The following MAP3K9 variants were observed in gnomAD, a reference collection of about 807,000 sequenced individuals.
MAP3K9 encodes mitogen-activated protein kinase kinase kinase 9.
A neutral mutation model predicts 95.8 loss-of-function variants in MAP3K9; 46 were observed. The observed-to-expected ratio is 0.48, with a 90% CI of 0.38 to 0.61. The LOEUF (loss-of-function observed/expected upper bound fraction) is 0.61, where lower values mean the gene tolerates loss of function less well. Ranked by LOEUF, MAP3K9 falls within the 20% of genes least tolerant of loss-of-function variation. The pLI is 0.00. For synonymous variants in MAP3K9, 533 were observed against 593.8 expected, an observed-to-expected ratio of 0.90 and a Z score of 1.49; for missense variants, 1,296 against 1,474.3, an observed-to-expected ratio of 0.88 and a Z score of 1.98.
At chr14:70,755,996 C>T (rs1320892217) in intron 3 of MAP3K9, among the ~76,000 whole-genome samples, 1 of 152,150 alleles carries the variant, frequency 6.6e-6, no homozygotes, top group Non-Finnish European at 1.5e-5. Flanking sequence ...CATCAGATGC[C>T]TCTCACCAGA....
At chr14:70,764,004 T>C (rs547442627) in intron 2 of MAP3K9, among the ~76,000 whole-genome samples, 114 of 148,266 alleles carry the variant, frequency 7.7e-4, no homozygotes, top group African/African-American at 2.8e-3. Context: ...GCTAACAAGG[T>C]GAAACCCCGT....
chr14:70,752,530 T>C (rs1242163513), intron 3 of MAP3K9, among the ~76,000 whole-genome samples: 1 of 152,200 alleles, frequency 6.6e-6, no homozygotes, highest in Non-Finnish European at 1.5e-5. Flanking sequence ...GTAGTGGTCA[T>C]GCTGGGGAGC....
intron 1 of MAP3K9, among the ~76,000 whole-genome samples, chr14:70,801,676 T>A (rs1048176378): frequency 1.3e-5 from 2 of 152,168 alleles, no homozygotes; most frequent in Non-Finnish European, 2.9e-5. Flanking sequence ...TGCAGAAGTA[T>A]GATTAGAGGC....
At chr14:70,806,694 C>G (rs1173321870) in intron 1 of MAP3K9, among the ~76,000 whole-genome samples, 1 of 152,200 alleles carries the variant, frequency 6.6e-6, no homozygotes, top group Non-Finnish European at 1.5e-5. Flanking sequence ...CTAAGTCATA[C>G]TGACTCTTGA....
chr14:70,744,645 A>G (rs1219158048), intron 5 of MAP3K9, among the ~76,000 whole-genome samples: 1 of 152,204 alleles, frequency 6.6e-6, no homozygotes, highest in Non-Finnish European at 1.5e-5. Context: ...ACATTTCCTG[A>G]GGTCTTTTTC....
In MAP3K9 at chr14:70,808,965, G is replaced by A. The variant is rs2055031528; in HGVS notation, c.207C>T (p.Asp69=). Residue 69 remains aspartate (D), a synonymous_variant, in exon 1 of 12, where the codon GAC becomes GAT. Transcript: ENST00000554752. The part of the protein sequence containing the change: ...AVFEYEAAGE[D]ELTLRLGDVV... The stretch of plus-strand genomic sequence containing the variant: ...CGTCGCCCAGCCGCAGGGTCAGCTC[G>A]TCCTCGCCCGCCGCCTCGTACTCGA... The A allele has an allele frequency of 1.3e-6, 2 of 1,572,714 alleles. No homozygotes were observed. The highest frequency in any genetic ancestry group is 1.7e-6 in the Non-Finnish European group (2 of 1,166,156).
At chr14:70,788,796 T>C (rs2054775692) in intron 2 of MAP3K9, among the ~76,000 whole-genome samples, 2 of 152,154 alleles carry the variant, frequency 1.3e-5, no homozygotes, top group Admixed American at 1.3e-4. Context: ...GAAACAAAGC[T>C]CTTATACAGA....
chr14:70,778,626 A>G (rs1431016991), intron 2 of MAP3K9, among the ~76,000 whole-genome samples: 1 of 152,178 alleles, frequency 6.6e-6, no homozygotes, highest in Non-Finnish European at 1.5e-5. Context: ...CACTGTCATC[A>G]TCATTGCTAG....
chr14:70,740,096 G>A lies in MAP3K9; in HGVS notation c.1636C>T (p.Arg546Cys), dbSNP rs758192028. 16 of 1,614,016 alleles carry A rather than the reference G, an allele frequency of 9.9e-6. No individual in the cohort carries two copies. Among genetic ancestry groups the A allele is most frequent in the East Asian group, 8.9e-5 (4 of 44,892 alleles). Residue 546 changes from arginine (R) to cysteine (C), a missense_variant, in exon 7 of 12, where the codon CGC becomes TGC. Arg to Cys is a radical substitution (Grantham distance 180, BLOSUM62 -3). Coordinates refer to ENST00000554752, the MANE Select transcript of MAP3K9 (RefSeq NM_001284230.2). ...MDKRKSLINS[R>C]SSPPASPTII... ...GTGGGGCTTGCAGGAGGACTGGAGCGGCTGTTGATAAGACTCTTCCTTTTA... is the reference window on the plus strand; with the variant it reads ...GTGGGGCTTGCAGGAGGACTGGAGCAGCTGTTGATAAGACTCTTCCTTTTA...
chr14:70,747,703 T>G (rs564698316), intron 5 of MAP3K9, among the ~76,000 whole-genome samples: 1 of 152,018 alleles, frequency 6.6e-6, no homozygotes, highest in African/African-American at 2.4e-5. Flanking sequence ...GACTCCTGGA[T>G]AAAACAGACA....
At chr14:70,741,612 G>A (rs1019474566) in intron 6 of MAP3K9, among the ~76,000 whole-genome samples, 2 of 152,198 alleles carry the variant, frequency 1.3e-5, no homozygotes, top group African/African-American at 4.8e-5. Flanking sequence ...GTGTCTGAAA[G>A]GTCACATGTA....
rs1359760240 is a variant in MAP3K9, at chr14:70,728,348, T to G, written c.*2032A>C. 2 of 152,090 alleles carry G rather than the reference T, an allele frequency of 1.3e-5. No homozygotes were observed. Among genetic ancestry groups the G allele is most frequent in the Non-Finnish European group, 1.5e-5 (1 of 68,072 alleles). The allele number at this position is 152,090 out of a possible 1,614,324, so 9.4% of individuals were successfully genotyped here. On this transcript the variant is annotated 3_prime_UTR_variant, in exon 12 of 12. Coordinates refer to ENST00000554752, the MANE Select transcript of MAP3K9 (RefSeq NM_001284230.2). The stretch of plus-strand genomic sequence containing the variant: ...CATGTTGGTCAGGCTGGTCTCGAAC[T>G]CCCGACCTCAGGTGATCCACCTGCC...
chr14:70,737,480 G>C (rs1566731868), intron 8 of MAP3K9, among the ~76,000 whole-genome samples: 1 of 152,172 alleles, frequency 6.6e-6, no homozygotes, highest in Non-Finnish European at 1.5e-5. Context: ...AGACTCAGGG[G>C]AGAATTTGAC....
Position 70,730,811 on chromosome 14 carries a change from G to A in MAP3K9, c.2884C>T (p.Pro962Ser). The change falls in exon 12 of 12, where the codon CCT becomes TCT. Residue 962 changes from proline to serine, a missense_variant. Pro to Ser is a moderately conservative substitution (Grantham distance 74). Coordinates refer to ENST00000554752, the MANE Select transcript of MAP3K9 (RefSeq NM_001284230.2). ...GGGGGGAAGACCACATTGGGGTCAG[G>A]GAGACGGGGGAATTCACCTGGGTCT... ...SRDPGEFPRLPDPNVVFPPTP... is the reference protein window; with the variant it reads ...SRDPGEFPRLSDPNVVFPPTP... The A allele has an allele frequency of 6.2e-7, 1 of 1,612,500 alleles. No homozygotes were observed. The highest frequency in any genetic ancestry group is 8.5e-7 in the Non-Finnish European group (1 of 1,179,914).
In MAP3K9 at chr14:70,761,207, G is replaced by A. The variant is rs1471277541; in HGVS notation, c.821-25C>T. On this transcript the variant is annotated intron_variant, in intron 2 of 11. Coordinates refer to ENST00000554752, the MANE Select transcript of MAP3K9 (RefSeq NM_001284230.2). Reference sequence around the variant, plus strand: ...ACTAGGCAAGGAAAAGAATACAGAAGAAACCAGAGTCTGCATTAATCACAG... The same window carrying A: ...ACTAGGCAAGGAAAAGAATACAGAAAAAACCAGAGTCTGCATTAATCACAG... 1.9e-6 allele frequency: 3 copies of A among 1,572,478 alleles called. No individual in the cohort carries two copies. The Admixed American group carries it at 5.4e-5, about 29-fold the overall frequency.
At chr14:70,770,472 C>T (rs2054516286) in intron 2 of MAP3K9, among the ~76,000 whole-genome samples, 2 of 152,140 alleles carry the variant, frequency 1.3e-5, no homozygotes, top group Admixed American at 1.3e-4. Context: ...GAGTGAGCCA[C>T]CGTGCCTGGC....
intron 2 of MAP3K9, among the ~76,000 whole-genome samples, chr14:70,763,609 C>T (rs2054405029): frequency 6.6e-6 from 1 of 151,822 alleles, no homozygotes; most frequent in African/African-American, 2.4e-5. Context: ...TAGCTTATTG[C>T]AGCCTCAATC....
intron 2 of MAP3K9, among the ~76,000 whole-genome samples, chr14:70,767,722 T>A (rs1395946778): frequency 6.6e-6 from 1 of 152,198 alleles, no homozygotes; most frequent in East Asian, 1.9e-4. Flanking sequence ...AGGGTCTCAC[T>A]CTGTTGCCCA....
chr14:70,746,750 G>A (rs2054152575), intron 5 of MAP3K9, among the ~76,000 whole-genome samples: 1 of 152,180 alleles, frequency 6.6e-6, no homozygotes, highest in South Asian at 2.1e-4. Flanking sequence ...CTCTACAAAT[G>A]TTAGCTATTA....
Sources: allele counts gnomAD v4.1 joint callset (sites outside exome capture counted in the v4.1 genomes callset), GRCh38; gene constraint gnomAD v4.1.1; transcripts MANE v1.5; gene names NCBI Gene and HGNC (gene_info 2026-07-23, HGNC 2026-07-21).